PGBD2: variants seen among roughly 807,000 people sequenced by gnomAD.
The protein encoded by PGBD2 is piggyBac transposable element derived 2.
A neutral mutation model predicts 8.1 loss-of-function variants in PGBD2; 6 were observed. That is an observed-to-expected ratio of 0.74 (90% confidence interval 0.40 to 1.46). The LOEUF is 1.46. Among genes scored for constraint, PGBD2 ranks in the 40% most tolerant of loss-of-function variants. The pLI is 0.02. For synonymous variants in PGBD2, 318 were observed against 272.2 expected, an observed-to-expected ratio of 1.17 and a Z score of -1.66; for missense variants, 802 against 739.0, an observed-to-expected ratio of 1.09 and a Z score of -0.99.
At chr1:248,902,798 G>T (rs1044064823), upstream of PGBD2, among the ~76,000 whole-genome samples, 16 of 151,952 alleles carry the variant, frequency 1.1e-4, no homozygotes, top group African/African-American at 3.9e-4. Flanking sequence ...GATGAACTAT[G>T]AGAACACACA....
the PGBD2 span, among the ~76,000 whole-genome samples, chr1:248,894,677 T>C: frequency 7.4e-6 from 1 of 135,532 alleles, no homozygotes. Flanking sequence ...TTTTTCCCTT[T>C]CTTCCCTCCC....
At chr1:248,874,321 T>G in the PGBD2 span, among the ~76,000 whole-genome samples, 18 of 152,178 alleles carry the variant, frequency 1.2e-4, no homozygotes, top group Admixed American at 2.0e-4. Flanking sequence ...GTCAGGAAAG[T>G]AAGCCGTTTT....
the PGBD2 span, among the ~76,000 whole-genome samples, chr1:248,925,360 C>G: frequency 6.6e-6 from 1 of 152,186 alleles, no homozygotes; most frequent in Non-Finnish European, 1.5e-5. Flanking sequence ...GAATTGTCCA[C>G]TGTTGAGCAT....
chr1:248,918,299 C>T lies in PGBD2; in HGVS notation c.1715C>T (p.Thr572Ile). ...RCALCHSQTN[T>I]RCEKCQKGVH... ...GCCCTCTGCCACTCACAGACCAACA[C>T]CCGGTGTGAGAAGTGCCAGAAGGGT... is the stretch of plus-strand genomic sequence containing the variant. The change falls in exon 3 of 3, where the codon ACC becomes ATC. Residue 572 changes from threonine (T) to isoleucine (I), a missense_variant. By Grantham distance (89) the Thr-to-Ile change is moderately conservative (BLOSUM62 -1). Coordinates refer to ENST00000329291, the MANE Select transcript of PGBD2 (RefSeq NM_170725.3). 6.3e-7 allele frequency: 1 copy of T among 1,597,224 alleles called. No individual in the cohort carries two copies. The highest frequency in any genetic ancestry group is 1.1e-5 in the South Asian group (1 of 87,596).
upstream of PGBD2, among the ~76,000 whole-genome samples, chr1:248,905,396 T>C (rs1054057532): frequency 6.6e-6 from 1 of 152,214 alleles, no homozygotes; most frequent in Non-Finnish European, 1.5e-5. Context: ...ATATACCTAA[T>C]GGGCTACTGG....
the PGBD2 span, among the ~76,000 whole-genome samples, chr1:248,873,327 C>G: frequency 6.6e-6 from 1 of 152,206 alleles, no homozygotes; most frequent in African/African-American, 2.4e-5. Context: ...TAGGACCTCC[C>G]GATCCGGCCG....
downstream of PGBD2, among the ~76,000 whole-genome samples, chr1:248,920,627 A>G (rs928990400): frequency 6.6e-6 from 1 of 152,222 alleles, no homozygotes; most frequent in African/African-American, 2.4e-5. Context: ...TCTTTGTAGT[A>G]GAATGATTTA....
At chr1:248,879,680 A>C in the PGBD2 span, among the ~76,000 whole-genome samples, 2 of 152,194 alleles carry the variant, frequency 1.3e-5, no homozygotes, top group Admixed American at 6.5e-5. Flanking sequence ...GATTACAGGC[A>C]TGAGCCACTG....
chr1:248,909,561 T>C (rs1211335159), intron 1 of PGBD2, among the ~76,000 whole-genome samples: 1 of 151,926 alleles, frequency 6.6e-6, no homozygotes, highest in South Asian at 2.1e-4. Flanking sequence ...GTTCAGCGAG[T>C]ATTTATTGAG....
chr1:248,879,310 A>G, the PGBD2 span, among the ~76,000 whole-genome samples: 1 of 152,142 alleles, frequency 6.6e-6, no homozygotes, highest in African/African-American at 2.4e-5. Context: ...TGTAGCTTTA[A>G]TTTGGGTACA....
chr1:248,875,105 G>A, the PGBD2 span, among the ~76,000 whole-genome samples: 1 of 151,948 alleles, frequency 6.6e-6, no homozygotes, highest in East Asian at 1.9e-4. Context: ...AGACCATCCC[G>A]GCTGACAGGG....
chr1:248,888,789 G>T, the PGBD2 span, among the ~76,000 whole-genome samples: 1 of 152,092 alleles, frequency 6.6e-6, no homozygotes, highest in Non-Finnish European at 1.5e-5. Context: ...TTGTTTTTGA[G>T]CACCTAGTCA....
the PGBD2 span, among the ~76,000 whole-genome samples, chr1:248,886,443 G>A: frequency 6.6e-6 from 1 of 152,146 alleles, no homozygotes; most frequent in African/African-American, 2.4e-5. Context: ...CTCCTTCAGA[G>A]ATCATTTGTA....
upstream of PGBD2, among the ~76,000 whole-genome samples, chr1:248,901,995 G>A (rs1269483650): frequency 1.3e-5 from 2 of 152,160 alleles, no homozygotes; most frequent in Non-Finnish European, 1.5e-5. Context: ...AAGGCTGGAC[G>A]AAATGGTTCA....
chr1:248,897,455 G>C, the PGBD2 span, among the ~76,000 whole-genome samples: 1 of 152,024 alleles, frequency 6.6e-6, no homozygotes, highest in Admixed American at 6.5e-5. Context: ...AAATGGCCTT[G>C]CTGAGTAAAT....
intron 1 of PGBD2, among the ~76,000 whole-genome samples, chr1:248,911,865 G>A (rs539231724): frequency 1.6e-4 from 24 of 152,014 alleles, no homozygotes; most frequent in African/African-American, 5.8e-4. Flanking sequence ...TGTTCTGGGT[G>A]CAGCAGGGAG....
chr1:248,879,982 G>A, the PGBD2 span, among the ~76,000 whole-genome samples: 2 of 152,198 alleles, frequency 1.3e-5, no homozygotes, highest in African/African-American at 2.4e-5. Flanking sequence ...CAATTCATTT[G>A]ACTCCTTCAG....
chr1:248,894,026 C>G, the PGBD2 span, among the ~76,000 whole-genome samples: 1 of 152,114 alleles, frequency 6.6e-6, no homozygotes, highest in Non-Finnish European at 1.5e-5. Context: ...TTTTATATGT[C>G]TGCTGGCCCT....
At chr1:248,900,169 C>A in the PGBD2 span, among the ~76,000 whole-genome samples, 1 of 150,570 alleles carries the variant, frequency 6.6e-6, no homozygotes, top group African/African-American at 2.5e-5. Flanking sequence ...TAAAGAGGAG[C>A]TGGTAACATT....
Sources: gnomAD v4.1 joint callset for allele counts (sites outside exome capture counted in the v4.1 genomes callset) on GRCh38, gnomAD v4.1.1 for gene constraint, MANE v1.5 for transcripts, NCBI Gene and HGNC (gene_info 2026-07-23, HGNC 2026-07-21) for gene names.